The following SEMA3A variants were observed in gnomAD, a reference collection of about 807,000 sequenced individuals.
SEMA3A encodes semaphorin 3A.
A neutral mutation model predicts 97.9 loss-of-function variants in SEMA3A; 29 were observed. The ratio of observed to expected loss-of-function variants is 0.30; its 90% CI spans 0.22 to 0.40. The LOEUF (loss-of-function observed/expected upper bound fraction) is 0.40. Ranked by LOEUF, SEMA3A falls within the 10% of genes least tolerant of loss-of-function variation. SEMA3A has a pLI of 1.00. For missense variants in SEMA3A, 763 were observed against 951.3 expected (o/e 0.80, Z 2.60); for synonymous variants, 321 against 323.7 (o/e 0.99, Z 0.09).
chr7:84,170,904 C>A (rs971917988), intron 1 of SEMA3A, among the ~76,000 whole-genome samples: 2 of 152,010 alleles, frequency 1.3e-5, no homozygotes, highest in Non-Finnish European at 2.9e-5. Context: ...TTTTTATAAA[C>A]AGAGGGCTTA....
intron 15 of SEMA3A, among the ~76,000 whole-genome samples, chr7:83,965,626 GCA>G (rs1562943333): frequency 2.3e-5 from 1 of 44,344 alleles, no homozygotes; most frequent in African/African-American, 9.5e-5. Flanking sequence ...ACCAATGGGT[GCA>G]TATATATATA....
chr7:84,018,894 C>G (rs1791205155), intron 6 of SEMA3A, among the ~76,000 whole-genome samples: 7 of 152,074 alleles, frequency 4.6e-5, no homozygotes, highest in Admixed American at 4.6e-4. Flanking sequence ...ATCACTCCTG[C>G]TGCTGCAGAG....
intron 1 of SEMA3A, among the ~76,000 whole-genome samples, chr7:84,164,383 A>T (rs1294196803): frequency 6.6e-6 from 1 of 152,192 alleles, no homozygotes; most frequent in Non-Finnish European, 1.5e-5. Context: ...ATGAAAAATT[A>T]AAGTTGTAGT....
chr7:84,208,971 T>G (rs1217851652), intron 3 of SEMA3A, among the ~76,000 whole-genome samples: 1 of 152,240 alleles, frequency 6.6e-6, no homozygotes, highest in African/African-American at 2.4e-5. Context: ...CTAAATAGAA[T>G]GTTATTTTAT....
At chr7:84,262,715 A>G (rs1158525430) in intron 3 of SEMA3A, among the ~76,000 whole-genome samples, 2 of 152,240 alleles carry the variant, frequency 1.3e-5, no homozygotes, top group African/African-American at 4.8e-5. Flanking sequence ...TATAATCAGT[A>G]GAAGCACTTA....
At chr7:84,257,684 G>A (rs80344183) in intron 3 of SEMA3A, among the ~76,000 whole-genome samples, 4,463 of 152,240 alleles carry the variant, frequency 0.029, 106 homozygotes, top group Middle Eastern at 0.058. Context: ...TCAACTATGT[G>A]TGTATTGGCT....
At chr7:84,391,907 C>T (rs558483881) in intron 1 of SEMA3A, among the ~76,000 whole-genome samples, 38 of 151,348 alleles carry the variant, frequency 2.5e-4, no homozygotes, top group African/African-American at 8.5e-4. Context: ...TGGGAGGTAG[C>T]CATGATAGTG....
chr7:84,263,930 C>G (rs980933204), intron 3 of SEMA3A, among the ~76,000 whole-genome samples: 3 of 152,078 alleles, frequency 2.0e-5, no homozygotes, highest in Admixed American at 6.5e-5. Flanking sequence ...ATAGCGGCAA[C>G]ACAATGTATT....
rs1245991560 is a variant in SEMA3A at position 84,376,589 on chromosome 7, G to A, written c.-245-4689C>T. Among the ~76,000 whole-genome samples the A allele has an allele frequency of 3.4e-4, 30 of 87,206 alleles. 1 individual carries two copies. Among genetic ancestry groups the A allele is most frequent in the African/African-American group, 1.3e-3 (29 of 21,708 alleles). 57.2% of individuals were successfully genotyped at this position (87,206 alleles called of 152,430 possible). A position where few individuals can be genotyped will look rare whatever the true frequency, so the allele number is the denominator to read the frequency against. On this transcript the variant is annotated intron_variant, in intron 1 of 3. Transcript: ENST00000424555. Reference sequence around the variant, plus strand: ...ACTGCACTCCAGCCTGGGCGACAGAGCGAGACTCCGTCTCAAAAAAAAAAA... The same window carrying A: ...ACTGCACTCCAGCCTGGGCGACAGAACGAGACTCCGTCTCAAAAAAAAAAA...
chr7:84,200,158 G>GA (rs200427946), upstream of SEMA3A, among the ~76,000 whole-genome samples: 78 of 143,616 alleles, frequency 5.4e-4, no homozygotes, highest in Admixed American at 3.6e-3. Context: ...ACAGTTGGGG[G>GA]AAAAAAAAAA....
At chr7:84,008,172 G>T (rs1051715194) in intron 9 of SEMA3A, among the ~76,000 whole-genome samples, 6 of 152,130 alleles carry the variant, frequency 3.9e-5, no homozygotes, top group African/African-American at 1.4e-4. Context: ...AGATAGACTG[G>T]AAGTAAGCCA....
Position 84,134,884 on chromosome 7 carries a change from G to T in SEMA3A, c.180C>A (p.Phe60Leu). ...GLANSSSYHT[F>L]LLDEERSRLY... ...GCCTACTCCGTTCCTCATCCAAAAG[G>T]AAGGTATGATAACTGGAGCTGTTGG... The change falls in exon 2 of 17, where the codon TTC becomes TTA. Residue 60 changes from phenylalanine to leucine, a missense_variant. Physicochemically the swap from Phe to Leu is conservative, Grantham distance 22. Around this residue, in one of 2 missense-constraint regions of SEMA3A, gnomAD observed 85 missense variants for 70.0 expected, o/e 1.21. Coordinates refer to ENST00000265362, the MANE Select transcript of SEMA3A (RefSeq NM_006080.3). The T allele has an allele frequency of 6.2e-7, 1 of 1,613,870 alleles. No individual in the cohort carries two copies. Among genetic ancestry groups the T allele is most frequent in the Non-Finnish European group, 8.5e-7 (1 of 1,179,844 alleles).
intron 1 of SEMA3A, among the ~76,000 whole-genome samples, chr7:84,487,009 T>C (rs1806590939): frequency 6.6e-6 from 1 of 152,062 alleles, no homozygotes; most frequent in Admixed American, 6.6e-5. Flanking sequence ...AAAACAAAAG[T>C]GAAGTTACTA....
chr7:84,189,638 G>A (rs1351119263), intron 1 of SEMA3A, among the ~76,000 whole-genome samples: 2 of 151,548 alleles, frequency 1.3e-5, no homozygotes, highest in Non-Finnish European at 3.0e-5. Context: ...CTGAAAACAT[G>A]ATAGAAAATT....
In SEMA3A at chr7:83,959,735, G is replaced by A. The variant is rs1056072344; in HGVS notation, c.*1636C>T. ...TTGCTTCATTAATTACTAATAAGAT[G>A]TTTTCTTTGCATTTTTGTGCATGAT... On this transcript the variant is annotated 3_prime_UTR_variant, in exon 17 of 17. Transcript: ENST00000265362. 10 of 152,056 alleles carry A rather than the reference G, an allele frequency of 6.6e-5. No individual in the cohort carries two copies. Among genetic ancestry groups the A allele is most frequent in the Non-Finnish European group, 1.2e-4 (8 of 67,958 alleles). The allele number at this position is 152,056 out of a possible 1,614,324, so 9.4% of individuals were successfully genotyped here.
intron 3 of SEMA3A, among the ~76,000 whole-genome samples, chr7:84,228,791 T>G (rs1227693896): frequency 6.6e-6 from 1 of 152,036 alleles, no homozygotes; most frequent in Non-Finnish European, 1.5e-5. Context: ...TTCCTGTCTG[T>G]TTTTCCAAAT....
chr7:84,335,337 TG>T (rs1300465659), intron 2 of SEMA3A, among the ~76,000 whole-genome samples: 1 of 152,158 alleles, frequency 6.6e-6, no homozygotes, highest in African/African-American at 2.4e-5. Flanking sequence ...TCAGATATTT[TG>T]TATTTATATT....
At chr7:84,406,127 A>G (rs1007043850) in intron 1 of SEMA3A, among the ~76,000 whole-genome samples, 2 of 152,188 alleles carry the variant, frequency 1.3e-5, no homozygotes, top group African/African-American at 4.8e-5. Context: ...TTTTGAAAAG[A>G]TCAACAAAAT....
intron 1 of SEMA3A, among the ~76,000 whole-genome samples, chr7:84,384,250 A>T (rs753830518): frequency 6.6e-6 from 1 of 152,122 alleles, no homozygotes; most frequent in Non-Finnish European, 1.5e-5. Flanking sequence ...AATGTGTTAC[A>T]TTTTATTTTA....
Sources: gnomAD v4.1 joint callset for allele counts (sites outside exome capture counted in the v4.1 genomes callset) on GRCh38, gnomAD v4.1.1 for gene constraint, gnomAD v4.1.1 regional missense constraint, MANE v1.5 for transcripts, NCBI Gene and HGNC (gene_info 2026-07-23, HGNC 2026-07-21) for gene names.